Variants in PTPRT observed in about 807,000 individuals in gnomAD.
PTPRT encodes the protein protein tyrosine phosphatase receptor type T, also known as receptor-type tyrosine-protein phosphatase T.
PTPRT carries 56 observed loss-of-function variants against 176.8 expected under a neutral mutation model. The ratio of observed to expected loss-of-function variants is 0.32; its 90% CI spans 0.26 to 0.40. The LOEUF is 0.40. Ranked by LOEUF, PTPRT falls within the 10% of genes least tolerant of loss-of-function variation. The pLI is 1.00. For synonymous variants in PTPRT, 783 were observed against 739.0 expected, an observed-to-expected ratio of 1.06 and a Z score of -0.96; for missense variants, 1,540 against 1,908.2, an observed-to-expected ratio of 0.81 and a Z score of 3.60.
intron 7 of PTPRT, among the ~76,000 whole-genome samples, chr20:42,618,841 C>A (rs1188036507): frequency 1.4e-5 from 2 of 141,960 alleles, no homozygotes; most frequent in African/African-American, 5.6e-5. Context: ...TGTCTCTGCA[C>A]GTGAGATGGG....
At chr20:42,094,230 T>C (rs1883380) in intron 27 of PTPRT, among the ~76,000 whole-genome samples, 102,157 of 152,146 alleles carry the variant, frequency 0.67, 34,605 homozygotes, top group African/African-American at 0.74. Context: ...CCAGACTTCA[T>C]GCCCAGGCTC....
In PTPRT at chr20:42,677,882, G is replaced by C. The variant is rs1269493463; in HGVS notation, c.1137C>G (p.Thr379=). Residue 379 remains threonine (T), a synonymous_variant, in exon 7 of 31, where the codon ACC becomes ACG. Coordinates refer to ENST00000373187, the MANE Select transcript of PTPRT (RefSeq NM_007050.6). ...AAATCTTACCTGCACACTTGGTCCT[G>C]GTGGTGAGGGGAGGCCCTGGCGGTC... The part of the protein sequence containing the change: ...GTGPPGPPLT[T]RTKCADPVHG... 6 of 1,613,488 alleles carry C rather than the reference G, an allele frequency of 3.7e-6. No individual in the cohort carries two copies. Among genetic ancestry groups the C allele is most frequent in the Non-Finnish European group, 5.1e-6 (6 of 1,179,796 alleles).
At chr20:42,115,404 G>A (rs1462711637) in intron 21 of PTPRT, 89 bp from the exon 22 acceptor site, 3 of 1,006,076 alleles carry the variant, frequency 3.0e-6, no homozygotes, top group South Asian at 1.3e-5. Context: ...GTCTCATCTG[G>A]TCGTCCCATC....
At chr20:42,069,742 T>C (rs768797872), downstream of PTPRT, among the ~76,000 whole-genome samples, 15 of 152,246 alleles carry the variant, frequency 9.9e-5, no homozygotes, top group Admixed American at 5.9e-4. Context: ...TCTCTGTATA[T>C]GTCTCTATCT....
chr20:42,184,428 T>G (rs1055892375), intron 16 of PTPRT, among the ~76,000 whole-genome samples: 5 of 151,700 alleles, frequency 3.3e-5, no homozygotes, highest in Non-Finnish European at 7.4e-5. Flanking sequence ...TTTCCTTTCC[T>G]TTGCTTTCCC....
intron 16 of PTPRT, among the ~76,000 whole-genome samples, chr20:42,162,462 AC>A (rs2094498665): frequency 6.6e-6 from 1 of 152,108 alleles, no homozygotes; most frequent in Non-Finnish European, 1.5e-5. Context: ...TTCCCCTTGG[AC>A]GACTAGAACC....
At chr20:42,099,610 C>G (rs1305881731) in intron 26 of PTPRT, among the ~76,000 whole-genome samples, 2 of 149,594 alleles carry the variant, frequency 1.3e-5, no homozygotes, top group South Asian at 2.1e-4. Flanking sequence ...TTCTCCCCAC[C>G]CTGAAGTCAT....
intron 9 of PTPRT, among the ~76,000 whole-genome samples, chr20:42,390,372 T>C (rs1176837885): frequency 6.6e-6 from 1 of 152,132 alleles, no homozygotes; most frequent in Admixed American, 6.5e-5. Context: ...CCAGGAATCA[T>C]TTGTCACCAT....
At chr20:43,103,932 G>T (rs933907639) in intron 1 of PTPRT, among the ~76,000 whole-genome samples, 1 of 152,076 alleles carries the variant, frequency 6.6e-6, no homozygotes, top group African/African-American at 2.4e-5. Context: ...CTAATATCCT[G>T]TGGAAAACAA....
chr20:42,142,484 G>A (rs1398759932), intron 17 of PTPRT, among the ~76,000 whole-genome samples: 1 of 152,168 alleles, frequency 6.6e-6, no homozygotes, highest in Non-Finnish European at 1.5e-5. Context: ...ATAGTGATGA[G>A]GAATGAGAAT....
At chr20:42,919,248 T>G (rs1423661551) in intron 1 of PTPRT, among the ~76,000 whole-genome samples, 7 of 152,208 alleles carry the variant, frequency 4.6e-5, no homozygotes, top group Non-Finnish European at 1.0e-4. Flanking sequence ...TAGGAAACGT[T>G]ACTACTTGGG....
chr20:42,040,231 C>A, the PTPRT span, among the ~76,000 whole-genome samples: 1 of 152,152 alleles, frequency 6.6e-6, no homozygotes, highest in African/African-American at 2.4e-5. Flanking sequence ...CACAGAGTTG[C>A]CTTCCAACCT....
chr20:42,816,689 T>C (rs1204877440), intron 2 of PTPRT, among the ~76,000 whole-genome samples: 1 of 152,192 alleles, frequency 6.6e-6, no homozygotes, highest in Non-Finnish European at 1.5e-5. Context: ...AGGTGCCTGC[T>C]TCCCCCTCGC....
chr20:42,350,271 C>A (rs2058263168), intron 11 of PTPRT, among the ~76,000 whole-genome samples: 1 of 138,560 alleles, frequency 7.2e-6, no homozygotes, highest in African/African-American at 2.7e-5. Flanking sequence ...CTTTGTTGCC[C>A]AGGCTGGAGT....
chr20:42,689,614 C>G (rs1225030622), intron 6 of PTPRT, among the ~76,000 whole-genome samples: 3 of 152,154 alleles, frequency 2.0e-5, no homozygotes, highest in Non-Finnish European at 4.4e-5. Context: ...TCCTAATCCC[C>G]AAAACTTACA....
chr20:43,005,684 CA>C, intron 1 of PTPRT, among the ~76,000 whole-genome samples: 1 of 152,320 alleles, frequency 6.6e-6, no homozygotes, highest in East Asian at 1.9e-4. Flanking sequence ...ACCGAATCCC[CA>C]GCAGTCTAGC....
chr20:42,387,433 G>A (rs1300495291), intron 9 of PTPRT, among the ~76,000 whole-genome samples: 1 of 152,202 alleles, frequency 6.6e-6, no homozygotes, highest in Non-Finnish European at 1.5e-5. Context: ...GTTTAAAGGG[G>A]CAGCAACAAG....
At chr20:42,394,777 A>T (rs2425486) in intron 9 of PTPRT, among the ~76,000 whole-genome samples, 81,165 of 151,952 alleles carry the variant, frequency 0.53, 21,768 homozygotes, top group East Asian at 0.65. Flanking sequence ...TTGAATCATT[A>T]TTTGTTCAGT....
At chr20:42,902,121 G>C (rs560568567) in intron 1 of PTPRT, among the ~76,000 whole-genome samples, 20 of 152,272 alleles carry the variant, frequency 1.3e-4, no homozygotes, top group Admixed American at 9.2e-4. Context: ...GCTTATTTTT[G>C]CTAGTCCCAA....
Sources: gnomAD v4.1 joint callset for allele counts (sites outside exome capture counted in the v4.1 genomes callset) on GRCh38, gnomAD v4.1.1 for gene constraint, MANE v1.5 for transcripts, NCBI Gene and HGNC (gene_info 2026-07-23, HGNC 2026-07-21) for gene names.